METAP1D: variants seen among roughly 807,000 people sequenced by gnomAD.
METAP1D encodes the protein methionine aminopeptidase 1D, mitochondrial.
Under a neutral mutation model 40.5 loss-of-function variants are expected in METAP1D, and 31 were observed. That is an observed-to-expected ratio of 0.77 (90% CI 0.58 to 1.03). METAP1D has a LOEUF of 1.03. Ranked by LOEUF, METAP1D falls within the 50% of genes least tolerant of loss-of-function variation. The pLI is 0.00. For synonymous variants in METAP1D, 151 were observed against 146.4 expected, an observed-to-expected ratio of 1.03 and a Z score of -0.22; for missense variants, 411 against 420.7, an observed-to-expected ratio of 0.98 and a Z score of 0.20.
rs1029325174 is a variant in METAP1D at position 172,081,418 on chromosome 2, A to G, written c.*1012A>G. ...AGGAGATACGGGCGCATTTGAGAGC[A>G]AGGGCCTACTTGGCCGGGACTGAAG... is the stretch of plus-strand genomic sequence containing the variant. On this transcript the variant is annotated 3_prime_UTR_variant, in exon 10 of 10. Coordinates refer to ENST00000315796, the MANE Select transcript of METAP1D (RefSeq NM_199227.3). 2.6e-5 allele frequency: 4 copies of G among 152,264 alleles called. No homozygotes were observed. The highest frequency in any genetic ancestry group is 5.9e-5 in the Non-Finnish European group (4 of 68,070). The allele number at this position is 152,264 out of a possible 1,614,324, so 9.4% of individuals were successfully genotyped here. A position where few individuals can be genotyped will look rare whatever the true frequency, so the allele number is the denominator to read the frequency against.
Position 172,080,486 on chromosome 2 carries a change from A to G in METAP1D, c.*80A>G, listed in dbSNP as rs180696423. On this transcript the variant is annotated 3_prime_UTR_variant, in exon 10 of 10. Transcript: ENST00000315796. Reference sequence around the variant, plus strand: ...TTTGGCTGGAGAACTTTTAGAAGAAACAGGGAAATGACCGGTGGTGCGGTA... The same window carrying G: ...TTTGGCTGGAGAACTTTTAGAAGAAGCAGGGAAATGACCGGTGGTGCGGTA... 409 of 1,470,254 alleles carry G rather than the reference A, an allele frequency of 2.8e-4. 5 individuals carry two copies. The East Asian group carries it at 6.9e-3, about 25-fold the overall frequency. The allele number at this position is 1,470,254 out of a possible 1,614,324, so 91.1% of individuals were successfully genotyped here. A position where few individuals can be genotyped will look rare whatever the true frequency, so the allele number is the denominator to read the frequency against.
intron 6 of METAP1D, among the ~76,000 whole-genome samples, chr2:172,074,251 TG>T (rs1459068897): frequency 2.0e-5 from 3 of 152,206 alleles, no homozygotes; most frequent in African/African-American, 7.2e-5. Flanking sequence ...AATGTCATGA[TG>T]AAAGTATCAA....
At chr2:172,023,893 C>T (rs1415604770) in intron 1 of METAP1D, among the ~76,000 whole-genome samples, 2 of 143,638 alleles carry the variant, frequency 1.4e-5, no homozygotes, top group South Asian at 4.4e-4. Flanking sequence ...CTTGCTCTGT[C>T]ACCCAGGCTG....
chr2:172,007,394 G>A (rs1688612561), intron 1 of METAP1D, among the ~76,000 whole-genome samples: 1 of 151,982 alleles, frequency 6.6e-6, no homozygotes, highest in Non-Finnish European at 1.5e-5. Flanking sequence ...TGGAGATTAT[G>A]TTGTTTTTCT....
rs1434551021 is a variant in METAP1D at position 172,005,521 on chromosome 2, TA to T, written c.40+5513del. The stretch of plus-strand genomic sequence containing the variant: ...GTAGTATTCCATGGTGTCTGTATTT[TA>T]TATATATATATATATATATATATCT... On this transcript the variant is annotated intron_variant, in intron 1 of 9. Transcript: ENST00000315796. Among the ~76,000 whole-genome samples the T allele has an allele frequency of 8.7e-3, 591 of 68,258 alleles. 6 individuals are homozygous for T. The highest frequency in any genetic ancestry group is 0.026 in the African/African-American group (502 of 19,420). The allele number at this position is 68,258 out of a possible 152,430, so 44.8% of individuals were successfully genotyped here. A position where few individuals can be genotyped will look rare whatever the true frequency, so the allele number is the denominator to read the frequency against.
intron 1 of METAP1D, among the ~76,000 whole-genome samples, chr2:172,037,707 C>G (rs1464126010): frequency 1.3e-5 from 2 of 152,200 alleles, no homozygotes; most frequent in Non-Finnish European, 2.9e-5. Flanking sequence ...CTGGTTCCAT[C>G]TGGGTTCTGA....
chr2:172,012,616 G>A (rs1688756596), intron 1 of METAP1D, among the ~76,000 whole-genome samples: 2 of 151,878 alleles, frequency 1.3e-5, no homozygotes, highest in Admixed American at 6.6e-5. Context: ...GCCAGTTTTT[G>A]TGGCTTAGTA....
chr2:172,063,910 C>G, intron 3 of METAP1D, 50 bp downstream of exon 3: 2 of 1,492,654 alleles, frequency 1.3e-6, no homozygotes, highest in Non-Finnish European at 1.8e-6. Flanking sequence ...GCAACAAACA[C>G]TCCTCTTTTT....
At chr2:172,025,690 A>G (rs1689106510) in intron 1 of METAP1D, among the ~76,000 whole-genome samples, 1 of 152,126 alleles carries the variant, frequency 6.6e-6, no homozygotes, top group Non-Finnish European at 1.5e-5. Flanking sequence ...TGTAAGAGAT[A>G]GAAGCATCAC....
chr2:172,041,458 C>CA lies in METAP1D; in HGVS notation c.41-20025dup, dbSNP rs782636305. On this transcript the variant is annotated intron_variant, in intron 1 of 9. Transcript: ENST00000315796. The stretch of plus-strand genomic sequence containing the variant: ...TGGGTGACAGCGCAAGACTCTGTAT[C>CA]AAAAAAAAAAAAAAAGAATCCACTT... Among the ~76,000 whole-genome samples, 4,332 of 94,900 alleles carry CA rather than the reference C, an allele frequency of 0.046. 870 individuals carry two copies. The East Asian group carries it at 0.5, about 11-fold the overall frequency. The allele number at this position is 94,900 out of a possible 152,430, so 62.3% of individuals were successfully genotyped here.
In METAP1D at chr2:172,041,519, A is replaced by G. The variant is rs2105435189; in HGVS notation, c.41-19979A>G. Among the ~76,000 whole-genome samples the G allele has an allele frequency of 1.6e-5, 2 of 125,714 alleles. 1 individual carries two copies. Among genetic ancestry groups the G allele is most frequent in the South Asian group, 5.2e-4 (2 of 3,814 alleles). The allele number at this position is 125,714 out of a possible 152,430, so 82.5% of individuals were successfully genotyped here. Reference sequence around the variant, plus strand: ...CATTGGTTAAATAAGGTGTTGTGTGACCTGTCCGTAAAGGAATTCATGAAA... The same window carrying G: ...CATTGGTTAAATAAGGTGTTGTGTGGCCTGTCCGTAAAGGAATTCATGAAA... On this transcript the variant is annotated intron_variant, in intron 1 of 9. Transcript: ENST00000315796.
In METAP1D at chr2:172,041,318, G is replaced by T. The variant is rs190141045; in HGVS notation, c.41-20180G>T. On this transcript the variant is annotated intron_variant, in intron 1 of 9. Transcript: ENST00000315796. ...TACTAAAAATACAAAAATTAGCTGG[G>T]CGTGGTGGTGTGCACCTATAGTCCC... 2.8e-4 allele frequency among the ~76,000 whole-genome samples: 39 copies of T among 140,912 alleles called. 1 individual carries two copies. Among genetic ancestry groups the T allele is most frequent in the African/African-American group, 9.4e-4 (38 of 40,490 alleles). 92.4% of individuals were successfully genotyped at this position (140,912 alleles called of 152,430 possible).
At chr2:172,021,624 A>G (rs1689010349) in intron 1 of METAP1D, among the ~76,000 whole-genome samples, 1 of 152,202 alleles carries the variant, frequency 6.6e-6, no homozygotes, top group Non-Finnish European at 1.5e-5. Flanking sequence ...TTTTAGAGCA[A>G]TTAGAGAAAA....
chr2:172,066,859 G>T (rs751960274), intron 5 of METAP1D, among the ~76,000 whole-genome samples: 1 of 152,226 alleles, frequency 6.6e-6, no homozygotes, highest in African/African-American at 2.4e-5. Context: ...TAAAATCCCT[G>T]AAGGTAACGT....
At chr2:172,066,738 T>G (rs1465745399) in intron 5 of METAP1D, among the ~76,000 whole-genome samples, 1 of 152,226 alleles carries the variant, frequency 6.6e-6, no homozygotes, top group African/African-American at 2.4e-5. Flanking sequence ...TCCTGCTGAT[T>G]TTGAGTGGGG....
rs376329037 is a variant in METAP1D at position 172,080,531 on chromosome 2, G to A, written c.*125G>A. On this transcript the variant is annotated 3_prime_UTR_variant, in exon 10 of 10. Coordinates refer to ENST00000315796, the MANE Select transcript of METAP1D (RefSeq NM_199227.3). The stretch of plus-strand genomic sequence containing the variant: ...GCGGTAACCTGCGTGGCTCCTGATA[G>A]CGTTTGGAAGAACGCGGGGGAGACT... The A allele has an allele frequency of 1.8e-5, 18 of 979,968 alleles. 1 individual carries two copies. Among genetic ancestry groups the A allele is most frequent in the African/African-American group, 8.0e-5 (5 of 62,284 alleles). 60.7% of individuals were successfully genotyped at this position (979,968 alleles called of 1,614,324 possible).
At chr2:172,025,482 C>A (rs913465346) in intron 1 of METAP1D, among the ~76,000 whole-genome samples, 1 of 151,878 alleles carries the variant, frequency 6.6e-6, no homozygotes, top group African/African-American at 2.4e-5. Context: ...GCAAGTGCCA[C>A]CATACCTGGA....
chr2:172,019,791 G>A (rs145482861), intron 1 of METAP1D, among the ~76,000 whole-genome samples: 4 of 152,086 alleles, frequency 2.6e-5, no homozygotes, highest in African/African-American at 7.2e-5. Flanking sequence ...TGATTTAGAC[G>A]AGCCACCTCT....
At chr2:172,064,619 C>CAA (rs35487971) in intron 3 of METAP1D, among the ~76,000 whole-genome samples, 2 of 103,298 alleles carry the variant, frequency 1.9e-5, no homozygotes, top group African/African-American at 3.5e-5. Flanking sequence ...GACTCCATCT[C>CAA]AAAAAAAAAA....
Sources: gnomAD v4.1 joint callset for allele counts (sites outside exome capture counted in the v4.1 genomes callset) on GRCh38, gnomAD v4.1.1 for gene constraint, MANE v1.5 for transcripts, NCBI Gene and HGNC (gene_info 2026-07-23, HGNC 2026-07-21) for gene names.